TRAF5: variants seen among roughly 807,000 people sequenced by gnomAD.
The protein encoded by TRAF5 is TNF receptor-associated factor 5.
TRAF5 carries 48 observed loss-of-function variants against 64.5 expected under a neutral mutation model. The ratio of observed to expected loss-of-function variants is 0.74; its 90% CI spans 0.59 to 0.95. The LOEUF is 0.95. Ranked by LOEUF, TRAF5 falls within the 40% of genes least tolerant of loss-of-function variation. TRAF5 has a pLI of 0.00. For missense variants in TRAF5, 545 were observed against 662.8 expected (o/e 0.82, Z 1.95); for synonymous variants, 206 against 240.5 (o/e 0.86, Z 1.33).
At chr1:211,345,070 C>T (rs1702561203) in intron 1 of TRAF5, among the ~76,000 whole-genome samples, 1 of 152,214 alleles carries the variant, frequency 6.6e-6, no homozygotes, top group South Asian at 2.1e-4. Context: ...AGGCATGCGC[C>T]ACCATGCCCA....
chr1:211,349,857 G>A (rs966675691), intron 1 of TRAF5, among the ~76,000 whole-genome samples: 2 of 152,142 alleles, frequency 1.3e-5, no homozygotes, highest in Non-Finnish European at 2.9e-5. Flanking sequence ...ACAGACTTGG[G>A]CCTGGCCTCA....
intron 4 of TRAF5, 125 bp downstream of exon 4, chr1:211,356,593 TC>T: frequency 1.2e-6 from 1 of 830,068 alleles, no homozygotes. Flanking sequence ...CCTCAAGGAT[TC>T]CCAGTCTAGC....
chr1:211,352,779 G>T (rs149440276), intron 1 of TRAF5, among the ~76,000 whole-genome samples: 17 of 152,166 alleles, frequency 1.1e-4, no homozygotes, highest in African/African-American at 4.1e-4. Context: ...TCTGGTAAAC[G>T]CTTGCTCTGT....
Position 211,372,243 on chromosome 1 carries a change from G to A in TRAF5, c.1215G>A (p.Lys405=). ...KLLEGTCYNG[K]LIWKVTDYKM... ...TGGAGGGTACTTGCTATAATGGAAA[G>A]CTCATTTGGAAGGTGACAGATTACA... The change falls in exon 11 of 11, where the codon AAG becomes AAA. Residue 405 remains lysine (K), a synonymous_variant. Coordinates refer to ENST00000261464, the MANE Select transcript of TRAF5 (RefSeq NM_001033910.3). The A allele has an allele frequency of 6.2e-7, 1 of 1,614,030 alleles. No individual in the cohort carries two copies.
rs187715902 is a variant in TRAF5 at position 211,352,921 on chromosome 1, T to C, written c.-1-318T>C. ...ATAATGTAATTAACACACCTGGCTA[T>C]ATTTTGTCCAAGCATATGGCCAAAC... On this transcript the variant is annotated intron_variant, in intron 1 of 10. Transcript: ENST00000261464. 1.2e-4 allele frequency among the ~76,000 whole-genome samples: 18 copies of C among 152,346 alleles called. No individual in the cohort carries two copies. The East Asian group carries it at 3.1e-3, about 26-fold the overall frequency.
chr1:211,367,771 G>A (rs1427817142), intron 8 of TRAF5, among the ~76,000 whole-genome samples: 6 of 152,158 alleles, frequency 3.9e-5, no homozygotes, highest in African/African-American at 1.4e-4. Flanking sequence ...CTAAATAAAG[G>A]ATTCCAGGGC....
chr1:211,361,803 TCTC>T (rs1703194542), intron 7 of TRAF5, among the ~76,000 whole-genome samples: 1 of 150,128 alleles, frequency 6.7e-6, no homozygotes, highest in African/African-American at 2.5e-5. Flanking sequence ...TTCAAGCAAT[TCTC>T]CTGCCTCGGC....
At position 211,360,795 on chromosome 1, in the gene TRAF5, C is replaced by T. The variant is rs745928525; in HGVS notation, c.621+16C>T. Reference sequence around the variant, plus strand: ...AAAAACTGAGGTAACTGCAAATAATCCTCTCTGTAGATTTTATGGAAGATA... The same window carrying T: ...AAAAACTGAGGTAACTGCAAATAATTCTCTCTGTAGATTTTATGGAAGATA... On this transcript the variant is annotated intron_variant, in intron 6 of 10. Coordinates refer to ENST00000261464, the MANE Select transcript of TRAF5 (RefSeq NM_001033910.3). 32 of 1,601,256 alleles carry T rather than the reference C, an allele frequency of 2.0e-5. 1 individual carries two copies. In the South Asian group the frequency reaches 3.5e-4, roughly 18 times the overall value.
chr1:211,341,598 G>T (rs1259463283), intron 1 of TRAF5, among the ~76,000 whole-genome samples: 2 of 152,192 alleles, frequency 1.3e-5, no homozygotes, highest in African/African-American at 2.4e-5. Flanking sequence ...AAGGACACAG[G>T]TCTGTGGGTG....
chr1:211,333,897 C>CCATA (rs1702225368), intron 1 of TRAF5, among the ~76,000 whole-genome samples: 1 of 152,228 alleles, frequency 6.6e-6, no homozygotes, highest in Non-Finnish European at 1.5e-5. Context: ...AACCATTAAT[C>CCATA]CATACCCCTG....
At chr1:211,354,611 AC>A (rs1034930733) in intron 3 of TRAF5, 144 bp downstream of exon 3, 1 of 796,906 alleles carries the variant, frequency 1.3e-6, no homozygotes, top group African/African-American at 1.7e-5. Context: ...GTCACATCAG[AC>A]CCTACTCGTA....
At chr1:211,356,557 C>T in intron 4 of TRAF5, 89 bp downstream of exon 4, 1 of 1,168,304 alleles carries the variant, frequency 8.6e-7, no homozygotes. Flanking sequence ...CTGAGCTAAG[C>T]ATGGTACAGG....
intron 1 of TRAF5, among the ~76,000 whole-genome samples, chr1:211,341,546 A>AG (rs1433545545): frequency 3.3e-5 from 5 of 152,134 alleles, no homozygotes; most frequent in Admixed American, 3.3e-4. Flanking sequence ...TAAGCTTGGG[A>AG]GGGCCAGGGA....
chr1:211,368,632 A>T (rs1703428629), intron 8 of TRAF5, among the ~76,000 whole-genome samples: 2 of 152,232 alleles, frequency 1.3e-5, no homozygotes, highest in Admixed American at 1.3e-4. Context: ...TTCTGTTGTC[A>T]TGTTAAAAGT....
chr1:211,338,185 C>G (rs1024999538), intron 1 of TRAF5, among the ~76,000 whole-genome samples: 4 of 152,130 alleles, frequency 2.6e-5, no homozygotes, highest in Non-Finnish European at 5.9e-5. Context: ...ATTCTAGTTG[C>G]TACTGAGAGA....
At chr1:211,371,181 A>G in intron 9 of TRAF5, 121 bp from the exon 10 acceptor site, 2 of 956,902 alleles carry the variant, frequency 2.1e-6, no homozygotes, top group Admixed American at 7.0e-5. Context: ...CTGGGCTTGT[A>G]TTTTTCATTC....
At chr1:211,363,910 C>CAAAAAAA (rs35539677) in intron 7 of TRAF5, among the ~76,000 whole-genome samples, 1 of 85,746 alleles carries the variant, frequency 1.2e-5, no homozygotes, top group Non-Finnish European at 2.3e-5. Context: ...GACCCTGTCT[C>CAAAAAAA]AAAAAAAAAA....
intron 9 of TRAF5, among the ~76,000 whole-genome samples, chr1:211,370,845 G>A (rs774131831): frequency 4.6e-5 from 7 of 152,220 alleles, no homozygotes; most frequent in South Asian, 2.1e-4. Flanking sequence ...AGTTTAGGCC[G>A]TACTCAGGGC....
intron 1 of TRAF5, among the ~76,000 whole-genome samples, chr1:211,351,461 G>A (rs765564190): frequency 6.6e-6 from 1 of 152,038 alleles, no homozygotes; most frequent in Non-Finnish European, 1.5e-5. Context: ...AATTTTGGGA[G>A]GAATACAAAC....
Sources: gnomAD v4.1 joint callset for allele counts (sites outside exome capture counted in the v4.1 genomes callset) on GRCh38, gnomAD v4.1.1 for gene constraint, MANE v1.5 for transcripts, NCBI Gene and HGNC (gene_info 2026-07-23, HGNC 2026-07-21) for gene names.